The following SPECC1 variants were observed in gnomAD, a reference collection of about 807,000 sequenced individuals.
SPECC1 encodes cytospin-B.
Under a neutral mutation model 104.1 loss-of-function variants are expected in SPECC1, and 62 were observed. That is an observed-to-expected ratio of 0.60 (90% CI 0.49 to 0.74). The LOEUF is 0.74. SPECC1 is among the 30% of genes least tolerant of loss of function. The probability of loss-of-function intolerance (pLI) is 0.00; values close to 1 mark genes in which losing one functional copy is unlikely to be tolerated. For synonymous variants in SPECC1, 513 were observed against 501.6 expected, an observed-to-expected ratio of 1.02 and a Z score of -0.30; for missense variants, 1,306 against 1,310.5, an observed-to-expected ratio of 1.00 and a Z score of 0.05.
intron 1 of SPECC1, 71 bp from the exon 2 acceptor site, chr17:20,096,560 G>A: frequency 2.0e-6 from 3 of 1,504,908 alleles, no homozygotes; most frequent in South Asian, 1.3e-5. Flanking sequence ...TATGTGGGGT[G>A]TAAAGTGTGA....
intron 2 of SPECC1, among the ~76,000 whole-genome samples, chr17:20,097,035 C>T (rs1038309156): frequency 6.6e-6 from 1 of 152,184 alleles, no homozygotes; most frequent in African/African-American, 2.4e-5. Context: ...TAATTAAGGT[C>T]CTCTGCCCTG....
At chr17:20,023,237 T>A (rs1276265571) in intron 1 of SPECC1, among the ~76,000 whole-genome samples, 1 of 152,236 alleles carries the variant, frequency 6.6e-6, no homozygotes, top group Admixed American at 6.5e-5. Context: ...TCATTTGGTC[T>A]GGATTTGGGC....
chr17:20,158,985 G>T (rs370530554), intron 3 of SPECC1, among the ~76,000 whole-genome samples: 4 of 151,326 alleles, frequency 2.6e-5, no homozygotes, highest in African/African-American at 9.7e-5. Context: ...TGAGATGGAG[G>T]CTTGTTCTGC....
At chr17:20,313,421 CAG>C (rs1367467350) in intron 14 of SPECC1, among the ~76,000 whole-genome samples, 2 of 152,220 alleles carry the variant, frequency 1.3e-5, no homozygotes, top group Non-Finnish European at 2.9e-5. Flanking sequence ...ATGCTGATTG[CAG>C]AGTCTGTGGT....
At chr17:20,234,597 G>A (rs562511565) in intron 7 of SPECC1, among the ~76,000 whole-genome samples, 2 of 152,306 alleles carry the variant, frequency 1.3e-5, no homozygotes, top group East Asian at 3.9e-4. Flanking sequence ...CAGTCATCTA[G>A]TGAGAACTCA....
intron 4 of SPECC1, among the ~76,000 whole-genome samples, chr17:20,226,911 T>C (rs931274451): frequency 1.3e-5 from 2 of 150,076 alleles, no homozygotes; most frequent in Non-Finnish European, 2.9e-5. Context: ...TTCAGGGTTG[T>C]TGTTCACAGC....
intron 3 of SPECC1, among the ~76,000 whole-genome samples, chr17:20,113,448 G>T (rs1267541636): frequency 6.6e-6 from 1 of 151,904 alleles, no homozygotes; most frequent in Non-Finnish European, 1.5e-5. Flanking sequence ...ACTTGGAAAA[G>T]GTTGTTCAGG....
intron 7 of SPECC1, among the ~76,000 whole-genome samples, chr17:20,233,142 A>G (rs552267199): frequency 1.3e-5 from 2 of 152,354 alleles, no homozygotes; most frequent in African/African-American, 2.4e-5. Context: ...TATTTACCCA[A>G]TGAGGAATCA....
chr17:20,170,804 A>G (rs574462274), intron 3 of SPECC1, among the ~76,000 whole-genome samples: 2 of 152,180 alleles, frequency 1.3e-5, no homozygotes, highest in Non-Finnish European at 2.9e-5. Flanking sequence ...ATTACGGTTT[A>G]TGATAAACCT....
chr17:20,154,802 G>C (rs1465975061), intron 3 of SPECC1, among the ~76,000 whole-genome samples: 1 of 152,192 alleles, frequency 6.6e-6, no homozygotes, highest in Admixed American at 6.5e-5. Flanking sequence ...ATCGGGGGTA[G>C]CAGTGGAGGA....
At chr17:20,119,787 C>T (rs1358928671) in intron 3 of SPECC1, among the ~76,000 whole-genome samples, 2 of 152,086 alleles carry the variant, frequency 1.3e-5, no homozygotes, top group African/African-American at 2.4e-5. Context: ...ATTTTACATG[C>T]GTGAAAACGA....
At chr17:20,290,128 T>A (rs1283357692) in intron 12 of SPECC1, 1 of 152,142 alleles carries the variant, frequency 6.6e-6, no homozygotes, top group Non-Finnish European at 1.5e-5. Flanking sequence ...CAGTCTGTCC[T>A]GAGGCACTGG....
chr17:20,313,255 T>G (rs1270985291), intron 14 of SPECC1, among the ~76,000 whole-genome samples: 1 of 152,130 alleles, frequency 6.6e-6, no homozygotes, highest in East Asian at 1.9e-4. Context: ...CCAAACTGTA[T>G]TAAATAACAA....
At chr17:20,173,134 A>G (rs2034211974) in intron 3 of SPECC1, among the ~76,000 whole-genome samples, 1 of 152,230 alleles carries the variant, frequency 6.6e-6, no homozygotes, top group Non-Finnish European at 1.5e-5. Context: ...TGGGCCAGAA[A>G]GGAAAATTTC....
At chr17:20,044,451 T>A (rs2045458740) in intron 1 of SPECC1, among the ~76,000 whole-genome samples, 1 of 152,192 alleles carries the variant, frequency 6.6e-6, no homozygotes, top group Admixed American at 6.5e-5. Flanking sequence ...TGCTACTATA[T>A]AGTTTTATGA....
In SPECC1 at chr17:20,314,499, G is replaced by A. The variant is rs1046526815; in HGVS notation, c.*434G>A. 3.3e-6 allele frequency: 1 copy of A among 302,228 alleles called. No individual in the cohort carries two copies. Among genetic ancestry groups the A allele is most frequent in the Admixed American group, 4.3e-5 (1 of 23,092 alleles). The allele number at this position is 302,228 out of a possible 1,614,324, so 18.7% of individuals were successfully genotyped here. ...TTATGAAACCTTTGCCCTTGGCTGGGTGTGGTAGCTCGTGGCTGTAATCCC... is the reference window on the plus strand; with the variant it reads ...TTATGAAACCTTTGCCCTTGGCTGGATGTGGTAGCTCGTGGCTGTAATCCC... On this transcript the variant is annotated 3_prime_UTR_variant, in exon 15 of 15. Transcript: ENST00000395527.
At chr17:20,141,317 T>G (rs571484141) in intron 3 of SPECC1, among the ~76,000 whole-genome samples, 1 of 152,344 alleles carries the variant, frequency 6.6e-6, no homozygotes, top group South Asian at 2.1e-4. Context: ...TCACTGGACC[T>G]GCTCGCTGCT....
Position 20,110,552 on chromosome 17 carries a change from G to A in SPECC1, c.273G>A (p.Arg91=), listed in dbSNP as rs778478110. 13 of 1,613,148 alleles carry A rather than the reference G, an allele frequency of 8.1e-6. No individual in the cohort carries two copies. Among genetic ancestry groups the A allele is most frequent in the Non-Finnish European group, 1.0e-5 (12 of 1,179,794 alleles). Residue 91 remains arginine (R), a synonymous_variant, in exon 3 of 15, where the codon AGG becomes AGA. Transcript: ENST00000395527. ...CGGAGCTCACGGAGAGCCGCCTGAG[G>A]AGCGGCACAGGTAGGAGGGACCGGG... ...AISELTESRL[R]SGTGAFTTTK...
chr17:20,051,141 C>CTTCT (rs1567813575), intron 1 of SPECC1, among the ~76,000 whole-genome samples: 17 of 90,488 alleles, frequency 1.9e-4, no homozygotes, highest in African/African-American at 7.6e-4. Context: ...TCTTTCTTTC[C>CTTCT]TTCTTTCCTT....
Sources: allele counts gnomAD v4.1 joint callset (sites outside exome capture counted in the v4.1 genomes callset), GRCh38; gene constraint gnomAD v4.1.1; transcripts MANE v1.5; gene names NCBI Gene and HGNC (gene_info 2026-07-23, HGNC 2026-07-21).